Variants in DYNC1I1 observed in about 807,000 individuals in gnomAD.
DYNC1I1 encodes the protein dynein cytoplasmic 1 intermediate chain 1, also known as cytoplasmic dynein 1 intermediate chain 1.
A neutral mutation model predicts 86.6 loss-of-function variants in DYNC1I1; 43 were observed. The observed-to-expected ratio is 0.50, with a 90% CI of 0.39 to 0.64. DYNC1I1 has a LOEUF of 0.64. Among genes scored for constraint, DYNC1I1 ranks in the 30% least tolerant of loss-of-function variants. The probability of loss-of-function intolerance (pLI) is 0.00; values close to 1 mark genes in which losing one functional copy is unlikely to be tolerated. For missense variants in DYNC1I1, 604 were observed against 788.8 expected (o/e 0.77, Z 2.81); for synonymous variants, 262 against 283.7 (o/e 0.92, Z 0.77).
At chr7:96,069,113 A>G (rs919859182) in intron 14 of DYNC1I1, among the ~76,000 whole-genome samples, 1 of 152,090 alleles carries the variant, frequency 6.6e-6, no homozygotes, top group Non-Finnish European at 1.5e-5. Flanking sequence ...CTTAATACCA[A>G]TGTCCACCTT....
At chr7:95,776,273 G>A (rs1793837808) in intron 1 of DYNC1I1, among the ~76,000 whole-genome samples, 1 of 152,198 alleles carries the variant, frequency 6.6e-6, no homozygotes, top group African/African-American at 2.4e-5. Flanking sequence ...CTCTCTGAGT[G>A]AGGCCTGGCC....
At chr7:96,072,713 T>G (rs1365248321) in intron 14 of DYNC1I1, among the ~76,000 whole-genome samples, 1 of 152,202 alleles carries the variant, frequency 6.6e-6, no homozygotes, top group Non-Finnish European at 1.5e-5. Flanking sequence ...ATCCAGAAAT[T>G]TATGTCTCAT....
At position 95,813,229 on chromosome 7, in the gene DYNC1I1, G is replaced by A; in HGVS notation, c.224-18G>A. 2 of 1,612,262 alleles carry A rather than the reference G, an allele frequency of 1.2e-6. No homozygotes were observed. Among genetic ancestry groups the A allele is most frequent in the Non-Finnish European group, 1.7e-6 (2 of 1,179,422 alleles). ...CTGCATTTTTTAACATGGGATACCT[G>A]TTATTTTCATTATTTAGTCCCAACC... On this transcript the variant is annotated intron_variant, in intron 3 of 16. Transcript: ENST00000447467.
intron 16 of DYNC1I1, among the ~76,000 whole-genome samples, chr7:96,103,999 G>C (rs753614488): frequency 6.6e-6 from 1 of 152,082 alleles, no homozygotes; most frequent in African/African-American, 2.4e-5. Context: ...AGCATGAAAT[G>C]GTATCTAGCT....
chr7:95,922,601 A>C (rs1312667275), intron 6 of DYNC1I1, among the ~76,000 whole-genome samples: 2 of 152,008 alleles, frequency 1.3e-5, no homozygotes, highest in East Asian at 3.9e-4. Flanking sequence ...TTTATGTGTA[A>C]GACAACGAGC....
intron 6 of DYNC1I1, among the ~76,000 whole-genome samples, chr7:95,891,736 G>A (rs909282029): frequency 2.6e-5 from 4 of 152,176 alleles, no homozygotes; most frequent in Non-Finnish European, 4.4e-5. Flanking sequence ...GGTGAAGAGT[G>A]TGTTTTATTT....
chr7:95,919,873 T>G (rs1023677771), intron 6 of DYNC1I1, among the ~76,000 whole-genome samples: 1 of 152,220 alleles, frequency 6.6e-6, no homozygotes, highest in Non-Finnish European at 1.5e-5. Context: ...TATTGGATTA[T>G]TCTCAAAAGT....
chr7:95,905,160 T>C (rs1584145779), intron 6 of DYNC1I1, among the ~76,000 whole-genome samples: 2 of 152,296 alleles, frequency 1.3e-5, no homozygotes, highest in South Asian at 2.1e-4. Flanking sequence ...GGAATGCCAA[T>C]TGGAAGCCAA....
chr7:96,090,839 G>T (rs888715285), intron 16 of DYNC1I1, among the ~76,000 whole-genome samples: 3 of 152,046 alleles, frequency 2.0e-5, no homozygotes, highest in Non-Finnish European at 2.9e-5. Flanking sequence ...TCTTTTTGTG[G>T]TAGAACACTG....
intron 7 of DYNC1I1, among the ~76,000 whole-genome samples, chr7:95,982,226 T>C (rs556772067): frequency 1.2e-4 from 19 of 152,336 alleles, no homozygotes; most frequent in African/African-American, 4.6e-4. Flanking sequence ...CATCTGCACA[T>C]GCATCTGATT....
intron 16 of DYNC1I1, among the ~76,000 whole-genome samples, chr7:96,085,531 G>A (rs1790652772): frequency 6.6e-6 from 1 of 152,062 alleles, no homozygotes; most frequent in Non-Finnish European, 1.5e-5. Flanking sequence ...CATTATATCT[G>A]GAAAATACAC....
At chr7:96,088,332 C>T (rs1214933884) in intron 16 of DYNC1I1, among the ~76,000 whole-genome samples, 1 of 152,018 alleles carries the variant, frequency 6.6e-6, no homozygotes, top group Non-Finnish European at 1.5e-5. Flanking sequence ...TTTCAAAATT[C>T]AATGAAGTTC....
chr7:95,816,849 A>T (rs1429971129), intron 4 of DYNC1I1, among the ~76,000 whole-genome samples: 3 of 152,246 alleles, frequency 2.0e-5, no homozygotes, highest in African/African-American at 7.2e-5. Flanking sequence ...TACTTAAGAA[A>T]TTTAAACACT....
chr7:95,838,341 A>T (rs1309281930), intron 5 of DYNC1I1, among the ~76,000 whole-genome samples: 1 of 152,214 alleles, frequency 6.6e-6, no homozygotes, highest in African/African-American at 2.4e-5. Context: ...ATGGAAAATT[A>T]GTTGACTGTA....
chr7:96,066,207 C>T (rs987092488), intron 14 of DYNC1I1, among the ~76,000 whole-genome samples: 2 of 152,148 alleles, frequency 1.3e-5, no homozygotes, highest in Non-Finnish European at 2.9e-5. Flanking sequence ...CAGGTTTTTG[C>T]ATGTTTTGCT....
intron 5 of DYNC1I1, among the ~76,000 whole-genome samples, chr7:95,834,930 A>T (rs1008494839): frequency 3.3e-5 from 5 of 151,262 alleles, no homozygotes; most frequent in African/African-American, 1.2e-4. Flanking sequence ...CAGCTCCTGG[A>T]TTCATTAATT....
chr7:95,797,065 GA>G (rs1240395913), intron 1 of DYNC1I1, among the ~76,000 whole-genome samples: 4 of 151,754 alleles, frequency 2.6e-5, no homozygotes, highest in African/African-American at 9.7e-5. Context: ...TCATAAAGCA[GA>G]AAAAAAATTA....
chr7:95,961,091 A>G (rs1233735060), intron 6 of DYNC1I1, among the ~76,000 whole-genome samples: 1 of 152,232 alleles, frequency 6.6e-6, no homozygotes, highest in African/African-American at 2.4e-5. Context: ...AGGTAGTAGC[A>G]TGCTCGACAG....
chr7:95,903,270 C>T (rs1194354764), intron 6 of DYNC1I1, among the ~76,000 whole-genome samples: 2 of 152,202 alleles, frequency 1.3e-5, no homozygotes, highest in Non-Finnish European at 2.9e-5. Flanking sequence ...ATCTTTTGCA[C>T]ACTGAAATCA....
Sources: allele counts gnomAD v4.1 joint callset (sites outside exome capture counted in the v4.1 genomes callset), GRCh38; gene constraint gnomAD v4.1.1; transcripts MANE v1.5; gene names NCBI Gene and HGNC (gene_info 2026-07-23, HGNC 2026-07-21).